HDAC9: variants seen among roughly 807,000 people sequenced by gnomAD.
HDAC9 encodes the protein MEF-2 interacting transcription repressor (MITR) protein.
Under a neutral mutation model 139.4 loss-of-function variants are expected in HDAC9, and 41 were observed. The observed-to-expected ratio is 0.29, with a 90% CI of 0.23 to 0.38. HDAC9 has a LOEUF of 0.38. Among genes scored for constraint, HDAC9 ranks in the 10% least tolerant of loss-of-function variants. The probability of loss-of-function intolerance (pLI) is 1.00; values close to 1 mark genes in which losing one functional copy is unlikely to be tolerated. For synonymous variants in HDAC9, 517 were observed against 476.2 expected, an observed-to-expected ratio of 1.09 and a Z score of -1.12; for missense variants, 1,147 against 1,297.0, an observed-to-expected ratio of 0.88 and a Z score of 1.78.
intron 19 of HDAC9, among the ~76,000 whole-genome samples, chr7:18,831,294 C>T (rs536750810): frequency 1.3e-5 from 2 of 152,238 alleles, no homozygotes; most frequent in Admixed American, 1.3e-4. Flanking sequence ...AGCTAAAATG[C>T]CTCCCTTGTG....
chr7:18,860,964 A>G (rs551774587), intron 21 of HDAC9, among the ~76,000 whole-genome samples: 18 of 152,300 alleles, frequency 1.2e-4, no homozygotes, highest in Admixed American at 1.1e-3. Flanking sequence ...GTAGCAGAGC[A>G]AAGTCGGGAC....
intron 2 of HDAC9, among the ~76,000 whole-genome samples, chr7:18,269,557 C>G (rs945355716): frequency 6.6e-6 from 1 of 151,878 alleles, no homozygotes; most frequent in Non-Finnish European, 1.5e-5. Context: ...TCATTGTGTT[C>G]GAAATATGAG....
At chr7:18,842,545 T>C (rs952649733) in intron 21 of HDAC9, among the ~76,000 whole-genome samples, 12 of 152,096 alleles carry the variant, frequency 7.9e-5, no homozygotes, top group African/African-American at 2.9e-4. Flanking sequence ...GATTCCATTC[T>C]CTATTTTCCG....
At chr7:18,279,898 T>C (rs1234225981) in intron 2 of HDAC9, among the ~76,000 whole-genome samples, 8 of 152,230 alleles carry the variant, frequency 5.3e-5, no homozygotes, top group Non-Finnish European at 2.9e-5. Context: ...ATGTAATTTT[T>C]CATTTATCTC....
chr7:18,433,888 A>C (rs1411837466), intron 1 of HDAC9, among the ~76,000 whole-genome samples: 1 of 152,284 alleles, frequency 6.6e-6, no homozygotes, highest in African/African-American at 2.4e-5. Flanking sequence ...TCAAACTACC[A>C]ACCTTTTTCA....
intron 1 of HDAC9, among the ~76,000 whole-genome samples, chr7:18,466,574 T>C (rs766222739): frequency 4.6e-5 from 7 of 152,206 alleles, no homozygotes; most frequent in Non-Finnish European, 7.3e-5. Flanking sequence ...TCTGTCTCTT[T>C]ATCATTGTAC....
At chr7:18,463,448 T>C (rs1434537398) in intron 1 of HDAC9, among the ~76,000 whole-genome samples, 1 of 151,990 alleles carries the variant, frequency 6.6e-6, no homozygotes, top group Admixed American at 6.6e-5. Flanking sequence ...CTCTATTTAC[T>C]TATATGTCAG....
chr7:18,666,086 C>T (rs1440213338), intron 11 of HDAC9, 127 bp from the exon 12 acceptor site: 1 of 1,045,594 alleles, frequency 9.6e-7, no homozygotes, highest in East Asian at 2.5e-5. Context: ...CCTACAAGTT[C>T]ATTCTGAAAT....
chr7:18,738,376 A>G (rs892833547), intron 13 of HDAC9, among the ~76,000 whole-genome samples: 2 of 152,178 alleles, frequency 1.3e-5, no homozygotes, highest in African/African-American at 4.8e-5. Context: ...ACAATTTGGC[A>G]TGTTTTTGCA....
chr7:18,230,544 T>A (rs1044725956), intron 2 of HDAC9, among the ~76,000 whole-genome samples: 1 of 152,198 alleles, frequency 6.6e-6, no homozygotes, highest in Non-Finnish European at 1.5e-5. Context: ...ACCTATTACG[T>A]TCCTGTAATT....
intron 22 of HDAC9, among the ~76,000 whole-genome samples, chr7:18,882,996 A>G (rs1329078873): frequency 6.6e-6 from 1 of 152,164 alleles, no homozygotes; most frequent in Non-Finnish European, 1.5e-5. Context: ...TCACATTTCT[A>G]TATCTGTTTG....
At chr7:18,731,259 A>C (rs547050201) in intron 13 of HDAC9, among the ~76,000 whole-genome samples, 2 of 151,994 alleles carry the variant, frequency 1.3e-5, no homozygotes, top group Admixed American at 1.3e-4. Context: ...TTTTTTTTTA[A>C]AATAAACTCA....
chr7:18,205,454 G>C (rs1359638103), intron 2 of HDAC9, among the ~76,000 whole-genome samples: 1 of 151,966 alleles, frequency 6.6e-6, no homozygotes, highest in Non-Finnish European at 1.5e-5. Flanking sequence ...AGTAATCAAA[G>C]TCTTGCTGGA....
At chr7:18,281,004 A>G (rs1278626769) in intron 2 of HDAC9, among the ~76,000 whole-genome samples, 2 of 152,234 alleles carry the variant, frequency 1.3e-5, no homozygotes, top group Admixed American at 6.5e-5. Flanking sequence ...AAACAGAGAT[A>G]GTATCCATTC....
intron 1 of HDAC9, among the ~76,000 whole-genome samples, chr7:18,455,807 A>G (rs921753414): frequency 2.0e-5 from 3 of 152,170 alleles, no homozygotes; most frequent in Admixed American, 2.0e-4. Context: ...ATTTCCCACA[A>G]ATTAGATTAC....
intron 1 of HDAC9, among the ~76,000 whole-genome samples, chr7:18,385,060 T>C (rs1003112145): frequency 6.6e-6 from 1 of 152,188 alleles, no homozygotes; most frequent in African/African-American, 2.4e-5. Flanking sequence ...GGCCCACCAA[T>C]GTGTAAAGCT....
chr7:18,374,007 A>T (rs1784789295), intron 1 of HDAC9, among the ~76,000 whole-genome samples: 1 of 152,044 alleles, frequency 6.6e-6, no homozygotes, highest in Non-Finnish European at 1.5e-5. Context: ...TATGGTGAAT[A>T]TAAAAATTAT....
chr7:18,486,550 T>C (rs1288185314), intron 1 of HDAC9, among the ~76,000 whole-genome samples: 1 of 152,120 alleles, frequency 6.6e-6, no homozygotes, highest in Admixed American at 6.6e-5. Context: ...GAAGCCAGTA[T>C]GGCCGTTAGA....
intron 1 of HDAC9, among the ~76,000 whole-genome samples, chr7:18,311,093 G>A (rs680751): frequency 2.2e-3 from 336 of 150,944 alleles, no homozygotes; most frequent in Non-Finnish European, 3.6e-3. Context: ...CTGGAGAGAG[G>A]TGATGATGAT....
Sources: allele counts gnomAD v4.1 joint callset (sites outside exome capture counted in the v4.1 genomes callset), GRCh38; gene constraint gnomAD v4.1.1; transcripts MANE v1.5; gene names NCBI Gene and HGNC (gene_info 2026-07-23, HGNC 2026-07-21).